The following ZMAT4 variants were observed in gnomAD, a reference collection of about 807,000 sequenced individuals.
ZMAT4 encodes zinc finger matrin-type protein 4.
ZMAT4 carries 17 observed loss-of-function variants against 28.7 expected under a neutral mutation model. The observed-to-expected ratio is 0.59, with a 90% CI of 0.41 to 0.89. ZMAT4 has a LOEUF of 0.89. Ranked by LOEUF, ZMAT4 falls within the 40% of genes least tolerant of loss-of-function variation. The pLI, the probability that ZMAT4 is intolerant of heterozygous loss-of-function variation, is 0.00. For missense variants in ZMAT4, 240 were observed against 283.8 expected, an observed-to-expected ratio of 0.85 and a Z score of 1.11; for synonymous variants, 117 against 109.2, an observed-to-expected ratio of 1.07 and a Z score of -0.44.
intron 3 of ZMAT4, among the ~76,000 whole-genome samples, chr8:40,743,504 C>T (rs4073158): frequency 0.72 from 110,035 of 152,094 alleles, 40,693 homozygotes; most frequent in Non-Finnish European, 0.82. Flanking sequence ...AACCCAGGGG[C>T]TGTTCTCTCA....
chr8:40,674,402 A>G (rs931071887), intron 5 of ZMAT4: 1 of 311,280 alleles, frequency 3.2e-6, no homozygotes, highest in Admixed American at 4.6e-5. Flanking sequence ...CTACAAAAGC[A>G]TTTGGTAAAG....
intron 5 of ZMAT4, among the ~76,000 whole-genome samples, chr8:40,592,383 A>G (rs1425861156): frequency 1.3e-5 from 2 of 152,198 alleles, no homozygotes; most frequent in African/African-American, 4.8e-5. Flanking sequence ...ACTCCATACT[A>G]CCGTCATTCC....
intron 2 of ZMAT4, among the ~76,000 whole-genome samples, chr8:40,808,018 C>T (rs2150593299): frequency 1.3e-5 from 2 of 152,286 alleles, no homozygotes; most frequent in South Asian, 4.1e-4. Flanking sequence ...TAATTCTGTG[C>T]ACAGTGACAC....
At chr8:40,845,609 C>CTTA (rs1816858533) in intron 1 of ZMAT4, among the ~76,000 whole-genome samples, 2 of 151,462 alleles carry the variant, frequency 1.3e-5, no homozygotes, top group Admixed American at 1.3e-4. Context: ...AAGACAGGGG[C>CTTA]TTATGTTCAG....
intron 5 of ZMAT4, among the ~76,000 whole-genome samples, chr8:40,617,557 G>A (rs946933702): frequency 4.6e-5 from 7 of 152,288 alleles, no homozygotes; most frequent in Admixed American, 4.6e-4. Context: ...TTGGGTTTCA[G>A]GAAGCATAAA....
At chr8:40,560,931 A>G (rs999843223) in intron 6 of ZMAT4, among the ~76,000 whole-genome samples, 2 of 152,118 alleles carry the variant, frequency 1.3e-5, no homozygotes, top group Non-Finnish European at 2.9e-5. Context: ...GTCTTTATGT[A>G]TGTCTCGCAT....
chr8:40,705,073 G>A (rs1357557568), intron 3 of ZMAT4, among the ~76,000 whole-genome samples: 2 of 152,200 alleles, frequency 1.3e-5, no homozygotes, highest in Non-Finnish European at 2.9e-5. Flanking sequence ...AGTATTGGGG[G>A]AAATGGTAAT....
intron 2 of ZMAT4, among the ~76,000 whole-genome samples, chr8:40,791,322 C>T (rs1251067571): frequency 1.3e-5 from 2 of 152,166 alleles, no homozygotes; most frequent in East Asian, 1.9e-4. Flanking sequence ...CATGGAAGCG[C>T]TCCTAGGAGC....
intron 2 of ZMAT4, among the ~76,000 whole-genome samples, chr8:40,795,964 G>A (rs1814578322): frequency 6.6e-6 from 1 of 152,106 alleles, no homozygotes; most frequent in Non-Finnish European, 1.5e-5. Context: ...TTTCTTCTTT[G>A]TTCTTCTTTC....
chr8:40,805,051 T>C (rs1174833593), intron 2 of ZMAT4, among the ~76,000 whole-genome samples: 1 of 150,816 alleles, frequency 6.6e-6, no homozygotes, highest in Non-Finnish European at 1.5e-5. Context: ...CCTACTCATC[T>C]GACAAAGGGC....
intron 2 of ZMAT4, among the ~76,000 whole-genome samples, chr8:40,793,658 C>T (rs1814459979): frequency 6.6e-6 from 1 of 152,200 alleles, no homozygotes; most frequent in African/African-American, 2.4e-5. Context: ...AAATGAATTG[C>T]TCATGACAAG....
intron 1 of ZMAT4, among the ~76,000 whole-genome samples, chr8:40,893,839 T>C (rs74342528): frequency 0.063 from 9,526 of 152,148 alleles, 333 homozygotes; most frequent in Non-Finnish European, 0.069. Context: ...CACCCTCAGG[T>C]AGGCCCCTAT....
rs78443524 is a variant in ZMAT4, at chr8:40,534,030, C to A, written c.675-1792G>T. Among the ~76,000 whole-genome samples, 385 of 151,960 alleles carry A rather than the reference C, an allele frequency of 2.5e-3. 5 individuals are homozygous for A. The highest frequency in any genetic ancestry group is 0.017 in the Middle Eastern group (5 of 294). On this transcript the variant is annotated intron_variant, in intron 6 of 6. Transcript: ENST00000297737. ...CAGTAAGAAGACCAAATATTCACAG[C>A]TAAACAGTCTTTAGTCATGATTACA...
chr8:40,640,626 G>GAA (rs35181950), intron 5 of ZMAT4, among the ~76,000 whole-genome samples: 10 of 151,660 alleles, frequency 6.6e-5, no homozygotes, highest in East Asian at 2.0e-4. Flanking sequence ...CCAGAAAAAA[G>GAA]AAAAAAAGGT....
At chr8:40,735,212 T>A (rs911527128) in intron 3 of ZMAT4, among the ~76,000 whole-genome samples, 4 of 152,224 alleles carry the variant, frequency 2.6e-5, no homozygotes, top group African/African-American at 9.6e-5. Context: ...TGGTAATACA[T>A]CTGCAAAGTA....
chr8:40,843,976 G>GCCT (rs1816790425), intron 1 of ZMAT4, among the ~76,000 whole-genome samples: 1 of 152,118 alleles, frequency 6.6e-6, no homozygotes, highest in African/African-American at 2.4e-5. Context: ...AGTGCACCTA[G>GCCT]AAAACGGAGA....
At chr8:40,601,481 GAAAGAAAGAAAGAGA>G (rs1805323628) in intron 5 of ZMAT4, among the ~76,000 whole-genome samples, 2 of 114,996 alleles carry the variant, frequency 1.7e-5, no homozygotes, top group Non-Finnish European at 3.8e-5. Flanking sequence ...AAGAAAGAAA[GAAAGAAAGAAAGAGA>G]GAAAGAAAGA....
chr8:40,587,569 G>A (rs1378449097), intron 5 of ZMAT4, among the ~76,000 whole-genome samples: 1 of 152,020 alleles, frequency 6.6e-6, no homozygotes. Flanking sequence ...ATAATTTAAG[G>A]TTGTACACTG....
chr8:40,533,619 A>T (rs1330622848), intron 6 of ZMAT4, among the ~76,000 whole-genome samples: 3 of 152,218 alleles, frequency 2.0e-5, no homozygotes, highest in African/African-American at 7.2e-5. Context: ...TTTTCCAAAA[A>T]CAGTGCTGTC....
Sources: allele counts gnomAD v4.1 joint callset (sites outside exome capture counted in the v4.1 genomes callset), GRCh38; gene constraint gnomAD v4.1.1; transcripts MANE v1.5; gene names NCBI Gene and HGNC (gene_info 2026-07-23, HGNC 2026-07-21).